INO80: variants seen among roughly 807,000 people sequenced by gnomAD.
INO80 encodes the protein INO80 complex ATPase subunit.
INO80 carries 20 observed loss-of-function variants against 203.4 expected under a neutral mutation model. That is an observed-to-expected ratio of 0.10 (90% CI 0.07 to 0.14). INO80 has a LOEUF of 0.14. Ranked by LOEUF, INO80 falls within the 10% of genes least tolerant of loss-of-function variation. The pLI, the probability that INO80 is intolerant of heterozygous loss-of-function variation, is 1.00. For missense variants in INO80, 1,419 were observed against 1,914.4 expected, an observed-to-expected ratio of 0.74 and a Z score of 4.83; for synonymous variants, 726 against 685.2, an observed-to-expected ratio of 1.06 and a Z score of -0.93.
At chr15:41,074,839 G>T (rs2045379212) in intron 9 of INO80, among the ~76,000 whole-genome samples, 1 of 152,106 alleles carries the variant, frequency 6.6e-6, no homozygotes, top group African/African-American at 2.4e-5. Context: ...CCGCCTCCCG[G>T]GTTCAAGCTA....
chr15:41,093,963 T>C (rs767156062), intron 4 of INO80, among the ~76,000 whole-genome samples: 45 of 152,218 alleles, frequency 3.0e-4, no homozygotes, highest in Non-Finnish European at 4.9e-4. Flanking sequence ...TCCAACAGCC[T>C]AAAGTGCAAC....
At chr15:40,990,679 G>A (rs541308432) in intron 29 of INO80, among the ~76,000 whole-genome samples, 8 of 152,260 alleles carry the variant, frequency 5.3e-5, no homozygotes, top group African/African-American at 1.7e-4. Flanking sequence ...TGCCTCTAGA[G>A]GAACTTAACA....
At position 40,982,917 on chromosome 15, in the gene INO80, C is replaced by T. The variant is rs900362655; in HGVS notation, c.4398G>A (p.Gly1466=). 1.9e-6 allele frequency: 3 copies of T among 1,613,942 alleles called. No homozygotes were observed. The African/African-American group carries it at 4.0e-5, about 22-fold the overall frequency. The part of the protein sequence containing the change: ...SAAAMAGAKA[G]AAAASAAAYA... Reference sequence around the variant, plus strand: ...AGGCAGCTGCAGAGGCCGCTGCAGCCCCGGCTTTGGCTCCTGCCATTGCAG... The same window carrying T: ...AGGCAGCTGCAGAGGCCGCTGCAGCTCCGGCTTTGGCTCCTGCCATTGCAG... The change falls in exon 35 of 36, where the codon GGG becomes GGA. Residue 1466 remains glycine, a synonymous_variant. Coordinates refer to ENST00000648947, the MANE Select transcript of INO80 (RefSeq NM_017553.3).
chr15:41,036,918 T>C (rs774188622), intron 24 of INO80, among the ~76,000 whole-genome samples: 1 of 152,076 alleles, frequency 6.6e-6, no homozygotes, highest in Non-Finnish European at 1.5e-5. Flanking sequence ...CTAGCCAATA[T>C]GGCAAAACCC....
intron 9 of INO80, among the ~76,000 whole-genome samples, chr15:41,076,775 G>C (rs2045409614): frequency 6.6e-6 from 1 of 151,584 alleles, no homozygotes; most frequent in South Asian, 2.1e-4. Context: ...AATAACCTAA[G>C]AAAAATAATC....
chr15:41,067,803 A>G (rs2045246782), intron 14 of INO80, among the ~76,000 whole-genome samples: 2 of 152,224 alleles, frequency 1.3e-5, no homozygotes, highest in African/African-American at 4.8e-5. Flanking sequence ...ATTTTGATAT[A>G]TAATCTCCAA....
intron 1 of INO80, among the ~76,000 whole-genome samples, chr15:41,097,337 C>T (rs940959538): frequency 2.0e-5 from 3 of 151,368 alleles, no homozygotes; most frequent in Non-Finnish European, 2.9e-5. Flanking sequence ...TGAGCCACCG[C>T]GCCCAGCCTT....
intron 29 of INO80, among the ~76,000 whole-genome samples, chr15:40,993,799 C>T (rs2043846597): frequency 1.1e-5 from 1 of 91,986 alleles, no homozygotes; most frequent in Admixed American, 1.1e-4. Context: ...GAAAATACAG[C>T]TTTAACCCCA....
chr15:41,103,421 G>A (rs979950687), intron 1 of INO80, among the ~76,000 whole-genome samples: 1 of 151,998 alleles, frequency 6.6e-6, no homozygotes, highest in Non-Finnish European at 1.5e-5. Context: ...ACAGAGTCTC[G>A]CTTTGTCACC....
At chr15:41,106,754 A>G (rs1351033646) in intron 1 of INO80, among the ~76,000 whole-genome samples, 3 of 152,242 alleles carry the variant, frequency 2.0e-5, no homozygotes, top group Admixed American at 6.6e-5. Context: ...ACATATATCT[A>G]TAAATATTTC....
At chr15:40,980,568 T>C (rs1458930056) in intron 35 of INO80, 128 bp from the exon 36 acceptor site, 1 of 656,168 alleles carries the variant, frequency 1.5e-6, no homozygotes, top group African/African-American at 1.8e-5. Context: ...TGCCACTCCT[T>C]GCTAACAACT....
chr15:41,025,726 C>CA (rs1225557821), intron 25 of INO80, among the ~76,000 whole-genome samples: 1 of 151,636 alleles, frequency 6.6e-6, no homozygotes, highest in African/African-American at 2.4e-5. Flanking sequence ...AAAACAAAAA[C>CA]AAAAAACCCC....
intron 19 of INO80, among the ~76,000 whole-genome samples, chr15:41,050,745 T>C (rs558731279): frequency 2.0e-3 from 304 of 152,304 alleles, no homozygotes; most frequent in Non-Finnish European, 3.2e-3. Flanking sequence ...ACTTTCCACA[T>C]ATAGCTTATA....
chr15:41,081,628 C>T lies in INO80; in HGVS notation c.874-555G>A, dbSNP rs1596315752. Among the ~76,000 whole-genome samples the T allele has an allele frequency of 3.3e-5, 5 of 152,250 alleles. No homozygotes were observed. The South Asian group carries it at 1.0e-3, about 32-fold the overall frequency. Reference sequence around the variant, plus strand: ...CACAAAATGACCCAGCAGCCCACAACCCAGCTATTTGTGTTTTCCACTCTA... The same window carrying T: ...CACAAAATGACCCAGCAGCCCACAATCCAGCTATTTGTGTTTTCCACTCTA... On this transcript the variant is annotated intron_variant, in intron 7 of 35. Transcript: ENST00000648947.
intron 7 of INO80, among the ~76,000 whole-genome samples, chr15:41,083,021 G>A (rs1264884286): frequency 1.3e-5 from 2 of 151,854 alleles, no homozygotes; most frequent in African/African-American, 2.4e-5. Context: ...AGTGGCTCAC[G>A]TCTGCAATCC....
intron 13 of INO80, 52 bp downstream of exon 13, chr15:41,070,415 A>G: frequency 6.6e-7 from 1 of 1,509,332 alleles, no homozygotes; most frequent in African/African-American, 1.4e-5. Flanking sequence ...TTTTCAACAG[A>G]AATTACCCTA....
In INO80 at chr15:41,087,547, G is replaced by A. The variant is rs1269799206; in HGVS notation, c.658+15C>T. 5 of 1,613,132 alleles carry A rather than the reference G, an allele frequency of 3.1e-6. No individual in the cohort carries two copies. The South Asian group carries it at 3.3e-5, about 11-fold the overall frequency. ...TAAGAATGAATATACGTGGAAGGCA[G>A]TTCAACATGCTCACCTTTAAGTTTC... is the stretch of plus-strand genomic sequence containing the variant. On this transcript the variant is annotated intron_variant, in intron 6 of 35. Coordinates refer to ENST00000648947, the MANE Select transcript of INO80 (RefSeq NM_017553.3).
intron 27 of INO80, among the ~76,000 whole-genome samples, chr15:41,012,616 T>C (rs956826003): frequency 3.7e-5 from 5 of 134,768 alleles, no homozygotes; most frequent in Non-Finnish European, 6.4e-5. Flanking sequence ...AATAAACTCA[T>C]AATGACATTT....
At chr15:40,998,841 T>C (rs542314891) in intron 28 of INO80, among the ~76,000 whole-genome samples, 1 of 152,196 alleles carries the variant, frequency 6.6e-6, no homozygotes, top group East Asian at 1.9e-4. Context: ...TTTGTATTTT[T>C]AGTAGAGATG....
Sources: gnomAD v4.1 joint callset for allele counts (sites outside exome capture counted in the v4.1 genomes callset) on GRCh38, gnomAD v4.1.1 for gene constraint, MANE v1.5 for transcripts, NCBI Gene and HGNC (gene_info 2026-07-23, HGNC 2026-07-21) for gene names.